SAMD3: variants seen among roughly 807,000 people sequenced by gnomAD.
SAMD3 encodes sterile alpha motif domain-containing protein 3.
A neutral mutation model predicts 58.5 loss-of-function variants in SAMD3; 63 were observed. The ratio of observed to expected loss-of-function variants is 1.08; its 90% CI spans 0.88 to 1.33. The LOEUF (loss-of-function observed/expected upper bound fraction) is 1.33. Ranked by LOEUF, SAMD3 falls within the 40% of genes most tolerant of loss-of-function variation. SAMD3 has a pLI of 0.00. For missense variants in SAMD3, 604 were observed against 608.4 expected (o/e 0.99, Z 0.08); for synonymous variants, 220 against 210.3 (o/e 1.05, Z -0.40).
intron 2 of SAMD3, among the ~76,000 whole-genome samples, chr6:130,276,604 T>A (rs562842065): frequency 6.6e-6 from 1 of 152,204 alleles, no homozygotes; most frequent in South Asian, 2.1e-4. Context: ...TAACACAGAG[T>A]AAGAACCTAT....
intron 5 of SAMD3, among the ~76,000 whole-genome samples, chr6:130,186,050 C>G (rs2114715776): frequency 6.6e-6 from 1 of 152,188 alleles, no homozygotes; most frequent in East Asian, 1.9e-4. Context: ...ACTGAGTATG[C>G]AAAATGAAGA....
At chr6:130,358,346 T>C (rs1380886738) in intron 1 of SAMD3, among the ~76,000 whole-genome samples, 2 of 152,236 alleles carry the variant, frequency 1.3e-5, no homozygotes, top group East Asian at 3.8e-4. Context: ...TCAATTCTGA[T>C]TGCAGATCTC....
At chr6:130,364,532 C>T (rs989859523) in intron 1 of SAMD3, among the ~76,000 whole-genome samples, 9 of 151,964 alleles carry the variant, frequency 5.9e-5, no homozygotes, top group Admixed American at 3.3e-4. Flanking sequence ...CCAATGGAAG[C>T]ACACTCCTTT....
In SAMD3 at chr6:130,175,969, C is replaced by T. The variant is rs1455218514; in HGVS notation, c.694G>A (p.Val232Ile). 5.0e-6 allele frequency: 8 copies of T among 1,613,664 alleles called. No individual in the cohort carries two copies. The highest frequency in any genetic ancestry group is 6.8e-6 in the Non-Finnish European group (8 of 1,179,776). ...KRALKDRFKY[V>I]RRPIEDDEQV... is the part of the protein sequence containing the mutation. ...TCATCATCTTCTATGGGTCTTCGAA[C>T]ATATTTAAAGCGATCTTTGAGGGCT... Residue 232 changes from valine (V) to isoleucine (I), a missense_variant, in exon 8 of 12, where the codon GTT becomes ATT. Physicochemically the swap from Val to Ile is conservative, Grantham distance 29. Transcript: ENST00000439090.
chr6:130,144,458 C>CA lies in SAMD3; in HGVS notation c.*61dup. The CA allele has an allele frequency of 6.5e-6, 10 of 1,529,870 alleles. No homozygotes were observed. The highest frequency in any genetic ancestry group is 8.8e-6 in the Non-Finnish European group (10 of 1,131,042). 94.8% of individuals were successfully genotyped at this position (1,529,870 alleles called of 1,614,324 possible). A position where few individuals can be genotyped will look rare whatever the true frequency, so the allele number is the denominator to read the frequency against. ...CCTCTACCACAACCCTAAATCAAAA[C>CA]AATTTCTTATGAAGCTTCAGTTTTC... is the stretch of plus-strand genomic sequence containing the variant. On this transcript the variant is annotated 3_prime_UTR_variant, in exon 12 of 12. Transcript: ENST00000439090.
intron 11 of SAMD3, 23 bp from the exon 12 acceptor site, chr6:130,144,827 T>TA (rs1439434700): frequency 6.3e-7 from 1 of 1,588,254 alleles, no homozygotes. Flanking sequence ...GTGGAGTCAT[T>TA]ACCATGATAC....
chr6:130,316,309 A>G (rs1776369533), intron 1 of SAMD3, among the ~76,000 whole-genome samples: 1 of 150,786 alleles, frequency 6.6e-6, no homozygotes, highest in Non-Finnish European at 1.5e-5. Flanking sequence ...AAAAAAAAAA[A>G]AAGAATGGAA....
At position 130,353,512 on chromosome 6, in the gene SAMD3, C is replaced by T. The variant is rs376262658; in HGVS notation, c.-304+11608G>A. ...AATATAGGAAATAAAGGTACAACTT[C>T]AAATAACATGATCTGCGATATCTTC... On this transcript the variant is annotated intron_variant, in intron 1 of 13. Transcript: ENST00000368134. 1.1e-4 allele frequency among the ~76,000 whole-genome samples: 16 copies of T among 152,272 alleles called. 2 individuals are homozygous for T. The highest frequency in any genetic ancestry group is 1.2e-4 in the African/African-American group (5 of 41,552).
chr6:130,227,352 T>C (rs1796409459), upstream of SAMD3, among the ~76,000 whole-genome samples: 1 of 152,240 alleles, frequency 6.6e-6, no homozygotes, highest in Non-Finnish European at 1.5e-5. Flanking sequence ...TACCATATTT[T>C]GTTTATCCAT....
Position 130,321,198 on chromosome 6 carries a change from A to C in SAMD3, c.-303-8105T>G, listed in dbSNP as rs146522230. Among the ~76,000 whole-genome samples the C allele has an allele frequency of 2.2e-4, 33 of 152,294 alleles. No individual in the cohort carries two copies. The East Asian group carries it at 5.4e-3, about 25-fold the overall frequency. On this transcript the variant is annotated intron_variant, in intron 1 of 13. Coordinates refer to the SAMD3 transcript ENST00000368134. ...GCTTACATCTTTCATGCTCTGTACC[A>C]GTCTTTCTCATTCTATCTTTCTTAG... is the stretch of plus-strand genomic sequence containing the variant.
intron 1 of SAMD3, among the ~76,000 whole-genome samples, chr6:130,355,795 A>C (rs1777812032): frequency 6.6e-6 from 1 of 152,186 alleles, no homozygotes; most frequent in Non-Finnish European, 1.5e-5. Flanking sequence ...AGCCCCAGAA[A>C]CACCACAAGA....
At chr6:130,210,777 G>A (rs563133833) in intron 4 of SAMD3, among the ~76,000 whole-genome samples, 12 of 152,092 alleles carry the variant, frequency 7.9e-5, no homozygotes, top group Non-Finnish European at 1.8e-4. Flanking sequence ...TTTTAGAATT[G>A]AGGAAAAGGT....
chr6:130,340,115 T>TAGCTTTAAATTG (rs1777224124), intron 1 of SAMD3, among the ~76,000 whole-genome samples: 1 of 152,214 alleles, frequency 6.6e-6, no homozygotes, highest in Non-Finnish European at 1.5e-5. Context: ...CAATATGTGT[T>TAGCTTTAAATTG]CAATAATATT....
chr6:130,156,969 C>A (rs1282925390), intron 8 of SAMD3, among the ~76,000 whole-genome samples: 4 of 151,994 alleles, frequency 2.6e-5, no homozygotes, highest in Non-Finnish European at 4.4e-5. Flanking sequence ...ACCCGGGGGA[C>A]TGAGACAGGA....
At position 130,146,019 on chromosome 6, in the gene SAMD3, T is replaced by G; in HGVS notation, c.1186A>C (p.Met396Leu). Residue 396 changes from methionine (M) to leucine (L), a missense_variant, in exon 10 of 12, where the codon ATG becomes CTG. Transcript: ENST00000439090. ...EKMKHYTDEDMLKYMKMTATC... is the reference protein window; with the variant it reads ...EKMKHYTDEDLLKYMKMTATC... ...CATAAGGTTTACTAACATTTCAACA[T>G]GTCTTCATCTGTGTAATGTTTCATT... The G allele has an allele frequency of 2.0e-6, 3 of 1,506,154 alleles. No homozygotes were observed. Among genetic ancestry groups the G allele is most frequent in the Non-Finnish European group, 1.8e-6 (2 of 1,128,176 alleles). The allele number at this position is 1,506,154 out of a possible 1,614,324, so 93.3% of individuals were successfully genotyped here.
chr6:130,313,997 C>T (rs183341532), intron 1 of SAMD3, among the ~76,000 whole-genome samples: 6 of 152,256 alleles, frequency 3.9e-5, no homozygotes, highest in African/African-American at 1.2e-4. Flanking sequence ...GGCTTTTAAG[C>T]ATTTATTTTC....
chr6:130,215,990 A>C, intron 2 of SAMD3: 2 of 540,760 alleles, frequency 3.7e-6, no homozygotes, highest in Non-Finnish European at 6.5e-6. Flanking sequence ...TGGTAAGATA[A>C]CTAGGATAAA....
chr6:130,264,504 T>G (rs1465593661), intron 2 of SAMD3, among the ~76,000 whole-genome samples: 4 of 152,174 alleles, frequency 2.6e-5, no homozygotes, highest in Admixed American at 2.6e-4. Flanking sequence ...CACTTGTGCT[T>G]TAGTCCATGT....
intron 1 of SAMD3, among the ~76,000 whole-genome samples, chr6:130,341,293 T>C (rs543325799): frequency 1.3e-5 from 2 of 152,328 alleles, no homozygotes; most frequent in East Asian, 1.9e-4. Context: ...CCATGTACAA[T>C]GCAAAATGGT....
Sources: allele counts gnomAD v4.1 joint callset (sites outside exome capture counted in the v4.1 genomes callset), GRCh38; gene constraint gnomAD v4.1.1; transcripts MANE v1.5; gene names NCBI Gene and HGNC (gene_info 2026-07-23, HGNC 2026-07-21).